Variants in RIMS2 observed in about 807,000 individuals in gnomAD.
The protein encoded by RIMS2 is regulating synaptic membrane exocytosis 2, also known as regulating synaptic membrane exocytosis protein 2.
Under a neutral mutation model 174.4 loss-of-function variants are expected in RIMS2, and 59 were observed. The observed-to-expected ratio is 0.34, with a 90% CI of 0.27 to 0.42. The LOEUF (loss-of-function observed/expected upper bound fraction) is 0.42, where lower values mean the gene tolerates loss of function less well. Among genes scored for constraint, RIMS2 ranks in the 10% least tolerant of loss-of-function variants. RIMS2 has a pLI of 1.00. For synonymous variants in RIMS2, 606 were observed against 572.5 expected, an observed-to-expected ratio of 1.06 and a Z score of -0.84; for missense variants, 1,620 against 1,666.3, an observed-to-expected ratio of 0.97 and a Z score of 0.48.
chr8:104,099,166 C>T (rs2097820827), intron 19 of RIMS2, among the ~76,000 whole-genome samples: 1 of 152,186 alleles, frequency 6.6e-6, no homozygotes, highest in African/African-American at 2.4e-5. Flanking sequence ...GTACAACAAA[C>T]AGCTGAACAT....
In RIMS2 at chr8:103,734,039, T is replaced by C. The variant is rs868336485; in HGVS notation, c.388-32188T>C. Among the ~76,000 whole-genome samples, 609 of 106,154 alleles carry C rather than the reference T, an allele frequency of 5.7e-3. 8 individuals carry two copies. The highest frequency in any genetic ancestry group is 0.021 in the African/African-American group (571 of 26,652). The allele number at this position is 106,154 out of a possible 152,430, so 69.6% of individuals were successfully genotyped here. ...CTTTTTTTTTTTTTTTTTTTTTTTT[T>C]CCCAGACGGAGTCTCGCTGCTGGAG... On this transcript the variant is annotated intron_variant, in intron 2 of 23. Coordinates refer to ENST00000504942, the Ensembl canonical transcript of RIMS2.
chr8:103,613,629 A>C (rs951263825), intron 1 of RIMS2, among the ~76,000 whole-genome samples: 1 of 152,176 alleles, frequency 6.6e-6, no homozygotes, highest in Non-Finnish European at 1.5e-5. Flanking sequence ...GAAGTATTTC[A>C]CTATAGCCAC....
At chr8:103,756,118 A>G (rs1347647578) in intron 2 of RIMS2, among the ~76,000 whole-genome samples, 1 of 151,954 alleles carries the variant, frequency 6.6e-6, no homozygotes, top group Non-Finnish European at 1.5e-5. Context: ...TTTGGTGTGG[A>G]TGTCCTTTTT....
chr8:103,872,372 G>C (rs1485185546), intron 3 of RIMS2, among the ~76,000 whole-genome samples: 2 of 152,164 alleles, frequency 1.3e-5, no homozygotes, highest in Admixed American at 6.5e-5. Context: ...TAACAAGTTT[G>C]TTGTTAATTT....
At chr8:103,922,633 T>TA (rs910105728) in intron 10 of RIMS2, 46 of 399,482 alleles carry the variant, frequency 1.2e-4, no homozygotes, top group East Asian at 7.7e-4. Context: ...AATTTTGGAT[T>TA]AAAAAAAAGT....
chr8:104,089,321 C>T lies in RIMS2; in HGVS notation c.3334+74706C>T, dbSNP rs549309867. On this transcript the variant is annotated intron_variant, in intron 19 of 23. Coordinates refer to ENST00000504942, the Ensembl canonical transcript of RIMS2. The stretch of plus-strand genomic sequence containing the variant: ...GTAGCTCATTACCTTGGTATAATAA[C>T]AATTTAGCTTCTCTCTCATTGTTGA... 9.9e-5 allele frequency among the ~76,000 whole-genome samples: 15 copies of T among 151,860 alleles called. No individual in the cohort carries two copies. The South Asian group carries it at 3.1e-3, about 31-fold the overall frequency.
chr8:103,868,500 T>A (rs1209110608), intron 3 of RIMS2, among the ~76,000 whole-genome samples: 1 of 152,110 alleles, frequency 6.6e-6, no homozygotes, highest in African/African-American at 2.4e-5. Flanking sequence ...TTCAGTATCT[T>A]TTTAAAGAAT....
intron 1 of RIMS2, among the ~76,000 whole-genome samples, chr8:103,677,483 T>C (rs948354100): frequency 6.6e-6 from 1 of 152,146 alleles, no homozygotes; most frequent in Non-Finnish European, 1.5e-5. Context: ...ATAAAAAATT[T>C]GCTCAAACAA....
intron 19 of RIMS2, among the ~76,000 whole-genome samples, chr8:104,155,058 G>A (rs1284995270): frequency 6.6e-6 from 1 of 151,962 alleles, no homozygotes; most frequent in African/African-American, 2.4e-5. Context: ...ATGCCAGAAG[G>A]TCTCATGCCT....
At chr8:104,091,107 G>C (rs960621295) in intron 19 of RIMS2, among the ~76,000 whole-genome samples, 1 of 151,744 alleles carries the variant, frequency 6.6e-6, no homozygotes, top group African/African-American at 2.4e-5. Context: ...TTTAACAGAT[G>C]AAATACTGAG....
intron 19 of RIMS2, among the ~76,000 whole-genome samples, chr8:104,106,037 C>CCAAAAAA (rs1555230751): frequency 1.8e-5 from 1 of 56,914 alleles, no homozygotes; most frequent in African/African-American, 5.9e-5. Context: ...GACTCTGCCA[C>CCAAAAAA]AAAAAAAAAA....
chr8:104,004,752 T>A (rs193236805), intron 17 of RIMS2, among the ~76,000 whole-genome samples: 1 of 150,380 alleles, frequency 6.6e-6, no homozygotes, highest in African/African-American at 2.4e-5. Flanking sequence ...TTAGGGGAGG[T>A]AGGAGGTCAT....
At chr8:104,053,106 T>C (rs553456765) in intron 19 of RIMS2, among the ~76,000 whole-genome samples, 1 of 152,208 alleles carries the variant, frequency 6.6e-6, no homozygotes, top group Non-Finnish European at 1.5e-5. Flanking sequence ...CTTTGAGAGA[T>C]ATGTTTTACA....
Position 104,094,244 on chromosome 8 carries a change from C to T in RIMS2, c.3334+79629C>T, listed in dbSNP as rs1229375812. Among the ~76,000 whole-genome samples, 2 of 151,778 alleles carry T rather than the reference C, an allele frequency of 1.3e-5. 1 individual carries two copies. Among genetic ancestry groups the T allele is most frequent in the African/African-American group, 4.8e-5 (2 of 41,380 alleles). ...GGAGATCACAACTTTTACCTTTTTT[C>T]ATGTAATTTTGTAAAAGGAAAATAT... On this transcript the variant is annotated intron_variant, in intron 19 of 23. Transcript: ENST00000504942.
At chr8:103,584,185 A>G (rs1588275261) in intron 1 of RIMS2, among the ~76,000 whole-genome samples, 1 of 152,200 alleles carries the variant, frequency 6.6e-6, no homozygotes, top group South Asian at 2.1e-4. Context: ...GAGTTGCATG[A>G]CATATTTAAT....
intron 1 of RIMS2, among the ~76,000 whole-genome samples, chr8:103,626,702 G>C (rs2095795273): frequency 6.6e-6 from 1 of 152,136 alleles, no homozygotes; most frequent in South Asian, 2.1e-4. Context: ...GAAATAAAGA[G>C]AAAGAGTACA....
intron 1 of RIMS2, among the ~76,000 whole-genome samples, chr8:103,546,146 A>T (rs879889435): frequency 2.0e-5 from 3 of 152,174 alleles, no homozygotes; most frequent in Non-Finnish European, 4.4e-5. Flanking sequence ...CCATCCTACA[A>T]GCATTGATAC....
rs535282911 is a variant in RIMS2 at position 103,825,345 on chromosome 8, G to A, written c.698+58808G>A. Among the ~76,000 whole-genome samples, 17 of 151,780 alleles carry A rather than the reference G, an allele frequency of 1.1e-4. No homozygotes were observed. In the South Asian group the frequency reaches 2.7e-3, roughly 24 times the overall value. The stretch of plus-strand genomic sequence containing the variant: ...GTCACCCAGGCTGGAGTGCAGTGGC[G>A]TGATCTCGGCTCATTACAACCTCCC... On this transcript the variant is annotated intron_variant, in intron 3 of 23. Coordinates refer to ENST00000504942, the Ensembl canonical transcript of RIMS2.
chr8:104,173,387 T>C lies in RIMS2; in HGVS notation c.3335-71529T>C, dbSNP rs553661804. Among the ~76,000 whole-genome samples the C allele has an allele frequency of 7.2e-4, 109 of 152,272 alleles. No homozygotes were observed. In the Middle Eastern group the frequency reaches 0.014, roughly 19 times the overall value. ...AGTTAGGATGTGCTGCTTCCTGATC[T>C]GTGCAGTTTGGGAAGTTCTGCCCTT... On this transcript the variant is annotated intron_variant, in intron 19 of 23. Coordinates refer to ENST00000504942, the Ensembl canonical transcript of RIMS2.
Sources: gnomAD v4.1 joint callset for allele counts (sites outside exome capture counted in the v4.1 genomes callset) on GRCh38, gnomAD v4.1.1 for gene constraint, MANE v1.5 for transcripts, NCBI Gene and HGNC (gene_info 2026-07-23, HGNC 2026-07-21) for gene names.